Variants in MDGA2 observed in about 807,000 individuals in gnomAD.
MDGA2 encodes MAM domain containing glycosylphosphatidylinositol anchor 2.
Under a neutral mutation model 117.8 loss-of-function variants are expected in MDGA2, and 40 were observed. The observed-to-expected ratio is 0.34, with a 90% CI of 0.26 to 0.44. The LOEUF is 0.44. MDGA2 is among the 20% of genes least tolerant of loss of function. MDGA2 has a pLI of 1.00. For missense variants in MDGA2, 1,123 were observed against 1,250.6 expected (o/e 0.90, Z 1.54); for synonymous variants, 452 against 439.0 (o/e 1.03, Z -0.37).
intron 9 of MDGA2, among the ~76,000 whole-genome samples, chr14:46,954,402 G>A (rs1385966577): frequency 6.6e-6 from 1 of 151,958 alleles, no homozygotes; most frequent in Non-Finnish European, 1.5e-5. Context: ...GCCACAAACT[G>A]GGTGGCTTAA....
chr14:47,617,135 T>G (rs1313703407), intron 1 of MDGA2, among the ~76,000 whole-genome samples: 1 of 152,090 alleles, frequency 6.6e-6, no homozygotes, highest in African/African-American at 2.4e-5. Context: ...GTCTCATATA[T>G]AGTGAAGAGT....
At chr14:47,376,162 T>C (rs1392524664) in intron 1 of MDGA2, among the ~76,000 whole-genome samples, 2 of 152,200 alleles carry the variant, frequency 1.3e-5, no homozygotes, top group Admixed American at 1.3e-4. Flanking sequence ...CTTTATTTTA[T>C]ACCTACTACA....
At chr14:46,900,246 A>G (rs1883232922) in intron 10 of MDGA2, among the ~76,000 whole-genome samples, 1 of 152,192 alleles carries the variant, frequency 6.6e-6, no homozygotes, top group Non-Finnish European at 1.5e-5. Flanking sequence ...TGGCTCACTC[A>G]TATATTTCTA....
intron 9 of MDGA2, among the ~76,000 whole-genome samples, chr14:46,949,907 AAATAGT>A (rs1173127715): frequency 2.0e-5 from 3 of 151,922 alleles, no homozygotes; most frequent in African/African-American, 7.2e-5. Context: ...GTGGCACTTT[AAATAGT>A]AGATTTTTGA....
intron 14 of MDGA2, among the ~76,000 whole-genome samples, chr14:46,865,868 A>G (rs1194943616): frequency 2.6e-5 from 4 of 151,296 alleles, no homozygotes; most frequent in Non-Finnish European, 5.9e-5. Flanking sequence ...AGAACTACAA[A>G]CCACTGCTCA....
At chr14:46,948,390 G>C (rs1031967452) in intron 9 of MDGA2, among the ~76,000 whole-genome samples, 3 of 151,934 alleles carry the variant, frequency 2.0e-5, no homozygotes, top group Non-Finnish European at 4.4e-5. Context: ...TAAAGGGAAG[G>C]AGTGCTTCAG....
intron 1 of MDGA2, among the ~76,000 whole-genome samples, chr14:47,345,069 C>T (rs1458503615): frequency 2.0e-5 from 3 of 151,684 alleles, no homozygotes; most frequent in South Asian, 2.1e-4. Context: ...TTTTTTTTCT[C>T]ACATTTCTCT....
At chr14:47,574,362 C>T (rs548390135) in intron 1 of MDGA2, among the ~76,000 whole-genome samples, 1 of 152,298 alleles carries the variant, frequency 6.6e-6, no homozygotes, top group South Asian at 2.1e-4. Flanking sequence ...TCTTTCCTCT[C>T]CTGGGTTCCT....
intron 2 of MDGA2, among the ~76,000 whole-genome samples, chr14:47,255,186 C>G (rs970684564): frequency 6.6e-6 from 1 of 152,106 alleles, no homozygotes; most frequent in Non-Finnish European, 1.5e-5. Flanking sequence ...GTTGAAGTAT[C>G]TAAGACATTA....
chr14:46,927,364 G>C (rs942707879), intron 9 of MDGA2, among the ~76,000 whole-genome samples: 1 of 151,996 alleles, frequency 6.6e-6, no homozygotes, highest in Non-Finnish European at 1.5e-5. Flanking sequence ...TGGCTTGAAA[G>C]ATACTAAATT....
chr14:46,842,106 A>C (rs1217756615), intron 16 of MDGA2, 87 bp from the exon 17 acceptor site: 1 of 742,040 alleles, frequency 1.3e-6, no homozygotes, highest in African/African-American at 1.8e-5. Flanking sequence ...GTGAATAATA[A>C]AACAAGTATA....
intron 1 of MDGA2, among the ~76,000 whole-genome samples, chr14:47,651,360 T>C (rs1159164311): frequency 6.6e-6 from 1 of 152,032 alleles, no homozygotes; most frequent in Non-Finnish European, 1.5e-5. Context: ...ACAAAGACTC[T>C]GAGGCACGAA....
intron 8 of MDGA2, among the ~76,000 whole-genome samples, chr14:46,994,655 C>T (rs977987132): frequency 3.3e-5 from 5 of 152,232 alleles, no homozygotes; most frequent in African/African-American, 7.2e-5. Context: ...GTCAGTGCCA[C>T]GTTACTTCCT....
At chr14:47,026,389 G>A (rs1888473961) in intron 8 of MDGA2, among the ~76,000 whole-genome samples, 1 of 151,822 alleles carries the variant, frequency 6.6e-6, no homozygotes, top group Non-Finnish European at 1.5e-5. Flanking sequence ...GAAGTTCTTT[G>A]AATTTATTTT....
intron 3 of MDGA2, among the ~76,000 whole-genome samples, chr14:47,201,543 T>C (rs1384150793): frequency 6.6e-6 from 1 of 152,188 alleles, no homozygotes; most frequent in African/African-American, 2.4e-5. Flanking sequence ...AAATGGCATG[T>C]CCTATGTTTC....
chr14:47,275,855 T>C (rs1888296087), intron 2 of MDGA2, among the ~76,000 whole-genome samples: 1 of 152,186 alleles, frequency 6.6e-6, no homozygotes, highest in Admixed American at 6.6e-5. Flanking sequence ...CGTAATGTAA[T>C]GAGCCAAGGT....
intron 1 of MDGA2, among the ~76,000 whole-genome samples, chr14:47,583,469 G>A (rs1896266297): frequency 6.6e-6 from 1 of 151,736 alleles, no homozygotes; most frequent in Non-Finnish European, 1.5e-5. Flanking sequence ...CAGACTTTGG[G>A]ATGTTGAATA....
At chr14:47,223,911 C>G (rs1886387327) in intron 2 of MDGA2, among the ~76,000 whole-genome samples, 1 of 152,004 alleles carries the variant, frequency 6.6e-6, no homozygotes, top group African/African-American at 2.4e-5. Context: ...CCAAGCAAAG[C>G]TGGAAAAGCC....
intron 1 of MDGA2, among the ~76,000 whole-genome samples, chr14:47,388,014 A>G (rs1162006526): frequency 1.3e-5 from 2 of 152,198 alleles, no homozygotes; most frequent in Non-Finnish European, 2.9e-5. Context: ...ATCCTAATGT[A>G]TGGTTACTCA....
Sources: allele counts gnomAD v4.1 joint callset (sites outside exome capture counted in the v4.1 genomes callset), GRCh38; gene constraint gnomAD v4.1.1; transcripts MANE v1.5; gene names NCBI Gene and HGNC (gene_info 2026-07-23, HGNC 2026-07-21).